TAS2R1: variants seen among roughly 807,000 people sequenced by gnomAD.
TAS2R1 encodes the protein taste receptor type 2 member 1.
For synonymous variants in TAS2R1, 141 were observed against 134.2 expected (o/e 1.05, Z -0.35); for missense variants, 370 against 353.4 (o/e 1.05, Z -0.38).
intron 1 of TAS2R1, among the ~76,000 whole-genome samples, chr5:9,672,869 C>T (rs908156408): frequency 6.6e-6 from 1 of 152,098 alleles, no homozygotes; most frequent in African/African-American, 2.4e-5. Flanking sequence ...GCACTAGTCA[C>T]AATAGCAAAG....
At chr5:9,812,583 AC>A in the TAS2R1 span, among the ~76,000 whole-genome samples, 3 of 152,052 alleles carry the variant, frequency 2.0e-5, no homozygotes, top group African/African-American at 7.3e-5. Flanking sequence ...CAAGAACAGA[AC>A]CCCACAGAAA....
intron 1 of TAS2R1, among the ~76,000 whole-genome samples, chr5:9,670,548 G>A (rs139572684): frequency 1.5e-3 from 234 of 152,284 alleles, no homozygotes; most frequent in African/African-American, 5.3e-3. Flanking sequence ...GGCTCAGGAG[G>A]CTGCCCACTT....
chr5:9,865,137 G>A, the TAS2R1 span, among the ~76,000 whole-genome samples: 1 of 152,216 alleles, frequency 6.6e-6, no homozygotes, highest in Non-Finnish European at 1.5e-5. Flanking sequence ...GTTTATATGA[G>A]GTGTGGAGGG....
the TAS2R1 span, among the ~76,000 whole-genome samples, chr5:9,756,413 G>C: frequency 1.3e-5 from 2 of 152,162 alleles, no homozygotes; most frequent in Admixed American, 1.3e-4. Flanking sequence ...TCTCCCAAGA[G>C]TAAGGCAAAT....
At chr5:9,851,779 C>T in the TAS2R1 span, among the ~76,000 whole-genome samples, 2 of 152,126 alleles carry the variant, frequency 1.3e-5, no homozygotes, top group Non-Finnish European at 2.9e-5. Flanking sequence ...TTATAAATAC[C>T]CATACAGGGC....
chr5:9,808,873 G>A, the TAS2R1 span, among the ~76,000 whole-genome samples: 4 of 152,126 alleles, frequency 2.6e-5, no homozygotes, highest in Non-Finnish European at 5.9e-5. Flanking sequence ...CATAGGGGTG[G>A]GGCCACTGAA....
At chr5:9,721,989 G>A in the TAS2R1 span, among the ~76,000 whole-genome samples, 55 of 152,188 alleles carry the variant, frequency 3.6e-4, no homozygotes, top group Non-Finnish European at 6.9e-4. Flanking sequence ...GGCCAGACCA[G>A]TAACTTAACT....
At chr5:9,901,630 T>C in the TAS2R1 span, among the ~76,000 whole-genome samples, 5 of 152,062 alleles carry the variant, frequency 3.3e-5, no homozygotes, top group African/African-American at 4.8e-5. Context: ...GGGATAAATC[T>C]TCCTGCAGTA....
the TAS2R1 span, among the ~76,000 whole-genome samples, chr5:9,719,487 G>C: frequency 6.6e-6 from 1 of 152,168 alleles, no homozygotes; most frequent in Non-Finnish European, 1.5e-5. Context: ...TACCAAGCCT[G>C]GGTCTCCACT....
At chr5:9,657,373 G>C (rs1217802955) in intron 2 of TAS2R1, among the ~76,000 whole-genome samples, 5 of 152,186 alleles carry the variant, frequency 3.3e-5, no homozygotes, top group Non-Finnish European at 7.3e-5. Context: ...AGCTTAGTTA[G>C]ATCCTTTTCC....
chr5:9,787,081 G>C, the TAS2R1 span, among the ~76,000 whole-genome samples: 3 of 152,246 alleles, frequency 2.0e-5, no homozygotes, highest in African/African-American at 7.2e-5. Flanking sequence ...CTTGACCTCA[G>C]TGAACACCAA....
chr5:9,651,051 A>G (rs1437145126), intron 2 of TAS2R1, among the ~76,000 whole-genome samples: 3 of 152,206 alleles, frequency 2.0e-5, no homozygotes, highest in Non-Finnish European at 4.4e-5. Flanking sequence ...AACACTTAGA[A>G]AGTATTAAGA....
chr5:9,783,465 G>A, the TAS2R1 span, among the ~76,000 whole-genome samples: 8 of 152,188 alleles, frequency 5.3e-5, no homozygotes, highest in Non-Finnish European at 8.8e-5. Flanking sequence ...ATGTGCATCC[G>A]TGCTGGGCCC....
At chr5:9,885,852 G>T in the TAS2R1 span, among the ~76,000 whole-genome samples, 4 of 151,790 alleles carry the variant, frequency 2.6e-5, no homozygotes, top group Admixed American at 1.3e-4. Context: ...AACAAAACTC[G>T]CACAGTGATC....
At chr5:9,861,915 C>T in the TAS2R1 span, among the ~76,000 whole-genome samples, 2 of 152,200 alleles carry the variant, frequency 1.3e-5, no homozygotes, top group African/African-American at 2.4e-5. Flanking sequence ...CCAGAGCTAA[C>T]GCACACTTAA....
chr5:9,701,221 G>GACACACACACACAC (rs34248017), intron 1 of TAS2R1, among the ~76,000 whole-genome samples: 4 of 135,866 alleles, frequency 2.9e-5, no homozygotes, highest in Admixed American at 7.4e-5. Context: ...CAGACACGCA[G>GACACACACACACAC]ACACACACAC....
the TAS2R1 span, among the ~76,000 whole-genome samples, chr5:9,863,623 A>C: frequency 4.6e-5 from 7 of 152,136 alleles, no homozygotes; most frequent in African/African-American, 1.7e-4. Context: ...CTAATGCTGG[A>C]ACCTAACCCC....
chr5:9,799,765 C>T, the TAS2R1 span, among the ~76,000 whole-genome samples: 4 of 152,150 alleles, frequency 2.6e-5, no homozygotes, highest in Non-Finnish European at 5.9e-5. Context: ...TCTTGCCAAA[C>T]GGTAAGTGCT....
chr5:9,646,053 C>T (rs1230349980), intron 2 of TAS2R1, among the ~76,000 whole-genome samples: 1 of 152,078 alleles, frequency 6.6e-6, no homozygotes, highest in South Asian at 2.1e-4. Context: ...TGGAACCAGA[C>T]AAATTATCTG....
Sources: gnomAD v4.1 joint callset for allele counts (sites outside exome capture counted in the v4.1 genomes callset) on GRCh38, gnomAD v4.1.1 for gene constraint, MANE v1.5 for transcripts, NCBI Gene and HGNC (gene_info 2026-07-23, HGNC 2026-07-21) for gene names.